XKR4: variants seen among roughly 807,000 people sequenced by gnomAD.
XKR4 encodes XK-related protein 4.
Under a neutral mutation model 53.9 loss-of-function variants are expected in XKR4, and 12 were observed. That is an observed-to-expected ratio of 0.22 (90% CI 0.14 to 0.36). XKR4 has a LOEUF of 0.36. XKR4 is among the 10% of genes least tolerant of loss of function. XKR4 has a pLI of 1.00. For synonymous variants in XKR4, 354 were observed against 362.4 expected (o/e 0.98, Z 0.26); for missense variants, 799 against 859.5 (o/e 0.93, Z 0.88).
At chr8:55,204,550 A>C (rs1817617969) in intron 1 of XKR4, among the ~76,000 whole-genome samples, 1 of 152,206 alleles carries the variant, frequency 6.6e-6, no homozygotes, top group Admixed American at 6.5e-5. Flanking sequence ...AGGCTGTGCC[A>C]GTTTATACCC....
intron 1 of XKR4, among the ~76,000 whole-genome samples, chr8:55,114,625 A>G (rs1441297764): frequency 6.6e-6 from 1 of 152,204 alleles, no homozygotes; most frequent in Non-Finnish European, 1.5e-5. Flanking sequence ...AACCATGCCC[A>G]TGCTTCAAAA....
At chr8:55,376,674 A>G (rs999821034) in intron 2 of XKR4, among the ~76,000 whole-genome samples, 2 of 152,046 alleles carry the variant, frequency 1.3e-5, no homozygotes, top group African/African-American at 4.8e-5. Context: ...TAAATGTGAA[A>G]ACTAATCTTT....
At chr8:55,325,393 C>T (rs770773727) in intron 1 of XKR4, among the ~76,000 whole-genome samples, 1 of 152,084 alleles carries the variant, frequency 6.6e-6, no homozygotes, top group Non-Finnish European at 1.5e-5. Context: ...TTCTTCCACT[C>T]ATCTCTTGAA....
chr8:55,487,422 GAC>G (rs1355628271), intron 2 of XKR4, among the ~76,000 whole-genome samples: 1 of 151,480 alleles, frequency 6.6e-6, no homozygotes, highest in African/African-American at 2.4e-5. Context: ...CACCCTCACA[GAC>G]ACACCCAAAA....
At chr8:55,462,165 A>G (rs912963328) in intron 2 of XKR4, among the ~76,000 whole-genome samples, 1 of 152,228 alleles carries the variant, frequency 6.6e-6, no homozygotes, top group African/African-American at 2.4e-5. Context: ...TCCAAGACAC[A>G]TAATTGTCAG....
intron 1 of XKR4, among the ~76,000 whole-genome samples, chr8:55,284,995 A>G (rs1322030258): frequency 6.6e-6 from 1 of 152,136 alleles, no homozygotes; most frequent in Non-Finnish European, 1.5e-5. Flanking sequence ...GCTGCCCCAA[A>G]CGCTCAGGCT....
At chr8:55,202,687 T>C (rs1467619065) in intron 1 of XKR4, among the ~76,000 whole-genome samples, 1 of 152,236 alleles carries the variant, frequency 6.6e-6, no homozygotes, top group East Asian at 1.9e-4. Context: ...TTTCGAGATA[T>C]TGGAGTACTT....
intron 2 of XKR4, among the ~76,000 whole-genome samples, chr8:55,367,029 T>C (rs577321933): frequency 6.6e-6 from 1 of 152,326 alleles, no homozygotes; most frequent in South Asian, 2.1e-4. Context: ...TTAAACATTG[T>C]TTTCAAGTGT....
chr8:55,218,415 G>A (rs1341362021), intron 1 of XKR4, among the ~76,000 whole-genome samples: 1 of 152,196 alleles, frequency 6.6e-6, no homozygotes, highest in Non-Finnish European at 1.5e-5. Flanking sequence ...TAAAATTTAA[G>A]TGAGGGTTAT....
chr8:55,248,182 G>A (rs1476535261), intron 1 of XKR4, among the ~76,000 whole-genome samples: 1 of 152,024 alleles, frequency 6.6e-6, no homozygotes, highest in African/African-American at 2.4e-5. Flanking sequence ...CCCCACCAAA[G>A]ATCCAATGGA....
chr8:55,406,749 C>A (rs1585558842), intron 2 of XKR4, among the ~76,000 whole-genome samples: 1 of 152,132 alleles, frequency 6.6e-6, no homozygotes, highest in Non-Finnish European at 1.5e-5. Flanking sequence ...ATGTCTTTGG[C>A]CTTTTGGCCA....
rs191443234 is a variant in XKR4 at position 55,541,233 on chromosome 8, A to G, written c.*17006A>G. ...AGCAATTTTCAAAAATTTGTACATG[A>G]TATACACCACCCAACCTCAGGAGGT... On this transcript the variant is annotated 3_prime_UTR_variant, in exon 3 of 3. Transcript: ENST00000327381. 2.6e-4 allele frequency: 40 copies of G among 152,294 alleles called. 1 individual carries two copies. Among genetic ancestry groups the G allele is most frequent in the Admixed American group, 2.0e-3 (30 of 15,298 alleles). 9.4% of individuals were successfully genotyped at this position (152,294 alleles called of 1,614,324 possible). A position where few individuals can be genotyped will look rare whatever the true frequency, so the allele number is the denominator to read the frequency against.
At chr8:55,153,156 T>A (rs1382972784) in intron 1 of XKR4, among the ~76,000 whole-genome samples, 2 of 152,188 alleles carry the variant, frequency 1.3e-5, no homozygotes, top group Non-Finnish European at 2.9e-5. Flanking sequence ...ACACACACTC[T>A]AGCATCAAGG....
chr8:55,456,277 C>T (rs970277985), intron 2 of XKR4, among the ~76,000 whole-genome samples: 1 of 151,948 alleles, frequency 6.6e-6, no homozygotes, highest in African/African-American at 2.4e-5. Context: ...ACTAAAAATA[C>T]AAAATTAGCC....
chr8:55,192,891 C>T (rs980418673), intron 1 of XKR4, among the ~76,000 whole-genome samples: 3 of 152,088 alleles, frequency 2.0e-5, no homozygotes, highest in African/African-American at 7.2e-5. Context: ...TTTCCATCCC[C>T]GTGTGGGAGT....
chr8:55,209,790 A>AG (rs1817704458), intron 1 of XKR4, among the ~76,000 whole-genome samples: 1 of 152,198 alleles, frequency 6.6e-6, no homozygotes, highest in Non-Finnish European at 1.5e-5. Context: ...CTTTCCAGAG[A>AG]GAGACCAGAA....
chr8:55,349,235 T>C (rs1803692748), intron 1 of XKR4, among the ~76,000 whole-genome samples: 1 of 152,228 alleles, frequency 6.6e-6, no homozygotes, highest in Non-Finnish European at 1.5e-5. Context: ...GACAGAGCCA[T>C]GATTGTTCAG....
chr8:55,342,139 C>T (rs367994166), intron 1 of XKR4, among the ~76,000 whole-genome samples: 1 of 147,200 alleles, frequency 6.8e-6, no homozygotes, highest in Non-Finnish European at 1.5e-5. Context: ...AATGGCAACT[C>T]TATCTTTCCA....
At chr8:55,509,026 T>C (rs1806584129) in intron 2 of XKR4, among the ~76,000 whole-genome samples, 1 of 152,240 alleles carries the variant, frequency 6.6e-6, no homozygotes, top group African/African-American at 2.4e-5. Context: ...CAATGTATAC[T>C]ATTTAATTCA....
Sources: gnomAD v4.1 joint callset for allele counts (sites outside exome capture counted in the v4.1 genomes callset) on GRCh38, gnomAD v4.1.1 for gene constraint, MANE v1.5 for transcripts, NCBI Gene and HGNC (gene_info 2026-07-23, HGNC 2026-07-21) for gene names.